AR: variants seen among roughly 807,000 people sequenced by gnomAD.
The protein encoded by AR is dihydrotestosterone receptor.
AR carries 8 observed loss-of-function variants against 53.9 expected under a neutral mutation model. The observed-to-expected ratio is 0.15, with a 90% CI of 0.09 to 0.27. AR has a LOEUF of 0.27. Ranked by LOEUF, AR falls within the 10% of genes least tolerant of loss-of-function variation. The pLI, the probability that AR is intolerant of heterozygous loss-of-function variation, is 1.00. For missense variants in AR, 639 were observed against 742.5 expected, an observed-to-expected ratio of 0.86 and a Z score of 1.62; for synonymous variants, 359 against 316.4, an observed-to-expected ratio of 1.13 and a Z score of -1.43.
chrX:67,675,030 T>G (rs2075891093), intron 2 of AR, among the ~76,000 whole-genome samples: 1 of 110,375 alleles, frequency 9.1e-6, no homozygotes, highest in African/African-American at 3.3e-5. Context: ...CCAGTACTGA[T>G]TCCTTCCCTT....
At chrX:67,704,296 T>C (rs754459629) in intron 3 of AR, among the ~76,000 whole-genome samples, 2 of 111,785 alleles carry the variant, frequency 1.8e-5, no homozygotes, top group African/African-American at 3.3e-5. Flanking sequence ...TCCACATCCT[T>C]TCCAGCACCT....
At chrX:67,663,467 G>A (rs929066729) in intron 2 of AR, among the ~76,000 whole-genome samples, 1 of 112,235 alleles carries the variant, frequency 8.9e-6, no homozygotes, top group African/African-American at 3.2e-5. Context: ...CTCTCTTCTG[G>A]CTTGTAGAGT....
intron 1 of AR, among the ~76,000 whole-genome samples, chrX:67,598,151 C>T (rs1923166280): frequency 9.0e-6 from 1 of 111,291 alleles, no homozygotes; most frequent in Non-Finnish European, 1.9e-5. Flanking sequence ...ACTTTAGCGC[C>T]CAGCACTGCT....
chrX:67,718,649 G>A (rs1053536073), intron 5 of AR, among the ~76,000 whole-genome samples: 7 of 110,032 alleles, frequency 6.4e-5, no homozygotes, highest in African/African-American at 2.3e-4. Flanking sequence ...TTTTTTCCCC[G>A]AGATGGGGTT....
At chrX:67,663,079 A>G (rs993291740) in intron 2 of AR, among the ~76,000 whole-genome samples, 13 of 111,203 alleles carry the variant, frequency 1.2e-4, no homozygotes, top group Admixed American at 5.7e-4. Flanking sequence ...TCTTTATCCA[A>G]TTTGCCAGTC....
intron 2 of AR, among the ~76,000 whole-genome samples, chrX:67,661,336 T>C (rs1360826437): frequency 9.0e-6 from 1 of 111,169 alleles, no homozygotes; most frequent in Non-Finnish European, 1.9e-5. Flanking sequence ...TTCAGTATGA[T>C]ATTGGCTGTG....
At chrX:67,547,711 G>C (rs915114446) in intron 1 of AR, among the ~76,000 whole-genome samples, 2 of 111,887 alleles carry the variant, frequency 1.8e-5, no homozygotes, top group African/African-American at 6.5e-5. Context: ...AATCTCCACT[G>C]GGGAGGGTGG....
At chrX:67,554,635 A>G (rs980432039) in intron 1 of AR, among the ~76,000 whole-genome samples, 9 of 111,516 alleles carry the variant, frequency 8.1e-5, no homozygotes, top group Non-Finnish European at 1.3e-4. Flanking sequence ...TAATAAAGGG[A>G]TTTTTTAAAA....
chrX:67,551,717 A>G (rs1241452813), intron 1 of AR, among the ~76,000 whole-genome samples: 1 of 111,729 alleles, frequency 9.0e-6, no homozygotes, highest in Non-Finnish European at 1.9e-5. Context: ...ACCTCTCTAG[A>G]GCAATACTCC....
chrX:67,643,480 G>C (rs1414792217), intron 2 of AR, 73 bp downstream of exon 2: 3 of 1,129,201 alleles, frequency 2.7e-6, no homozygotes, highest in African/African-American at 3.6e-5. Context: ...TAACCTTTCA[G>C]GGCCCAGGAT....
intron 1 of AR, among the ~76,000 whole-genome samples, chrX:67,615,587 G>C (rs61185368): frequency 0.071 from 7,877 of 110,683 alleles, 697 homozygotes; most frequent in African/African-American, 0.25. Flanking sequence ...TTCCTAGACA[G>C]TAGCTTTAAT....
chrX:67,714,825 C>T (rs1780742371), intron 4 of AR, among the ~76,000 whole-genome samples: 1 of 111,618 alleles, frequency 9.0e-6, no homozygotes, highest in Admixed American at 9.5e-5. Flanking sequence ...ATGTAGGCTA[C>T]TTCAGAGATT....
At chrX:67,602,710 TC>T (rs1464239047) in intron 1 of AR, among the ~76,000 whole-genome samples, 2 of 111,333 alleles carry the variant, frequency 1.8e-5, no homozygotes, top group Non-Finnish European at 3.8e-5. Flanking sequence ...AGTGGATTCT[TC>T]CTCTAGAACT....
chrX:67,639,732 G>T (rs189851218), intron 1 of AR, among the ~76,000 whole-genome samples: 14 of 111,799 alleles, frequency 1.3e-4, no homozygotes, highest in African/African-American at 4.5e-4. Flanking sequence ...AGAGAATGGG[G>T]TTTTCTGAAT....
intron 2 of AR, among the ~76,000 whole-genome samples, chrX:67,664,378 C>T (rs1311386625): frequency 1.8e-5 from 2 of 112,015 alleles, no homozygotes; most frequent in Non-Finnish European, 3.8e-5. Flanking sequence ...TGCTGCAGGT[C>T]CACTCCAGAC....
At chrX:67,671,005 A>G (rs897590945) in intron 2 of AR, among the ~76,000 whole-genome samples, 2 of 111,852 alleles carry the variant, frequency 1.8e-5, no homozygotes, top group African/African-American at 6.5e-5. Context: ...TATATCATTG[A>G]TGGGCATTTT....
At chrX:67,712,260 C>A (rs371935636) in intron 4 of AR, among the ~76,000 whole-genome samples, 4 of 111,795 alleles carry the variant, frequency 3.6e-5, no homozygotes, top group Non-Finnish European at 7.5e-5. Context: ...ATGTATAAAG[C>A]GTGGTTTGTA....
chrX:67,550,722 T>TCTCTCC (rs1352544122), intron 1 of AR, among the ~76,000 whole-genome samples: 1 of 107,331 alleles, frequency 9.3e-6, no homozygotes, highest in Non-Finnish European at 1.9e-5. Flanking sequence ...GAAAAGGAAA[T>TCTCTCC]CTCTCCCTAC....
In AR at chrX:67,585,201, T is replaced by C. The variant is rs183859712; in HGVS notation, c.1616+38439T>C. Among the ~76,000 whole-genome samples, 787 of 105,526 alleles carry C rather than the reference T, an allele frequency of 7.5e-3. 4 individuals are homozygous for C. The highest frequency in any genetic ancestry group is 0.027 in the African/African-American group (762 of 28,285). The allele number at this position is 105,526 out of a possible 115,157, so 91.6% of individuals were successfully genotyped here. On this transcript the variant is annotated intron_variant, in intron 1 of 7. Coordinates refer to ENST00000374690, the MANE Select transcript of AR (RefSeq NM_000044.6). The stretch of plus-strand genomic sequence containing the variant: ...AACCTGGAAAGCAGAGGTTGGAGAT[T>C]GCAGTGAGCCGAGATTGCACCACTG...
Sources: allele counts gnomAD v4.1 joint callset (sites outside exome capture counted in the v4.1 genomes callset), GRCh38; gene constraint gnomAD v4.1.1; transcripts MANE v1.5; gene names NCBI Gene and HGNC (gene_info 2026-07-23, HGNC 2026-07-21).